The following NAA60 variants were observed in gnomAD, a reference collection of about 807,000 sequenced individuals.
NAA60 encodes the protein N-alpha-acetyltransferase 60.
In NAA60, 8 loss-of-function variants were observed where a neutral mutation model predicts 26.1. The ratio of observed to expected loss-of-function variants is 0.31; its 90% CI spans 0.18 to 0.55. The LOEUF (loss-of-function observed/expected upper bound fraction) is 0.55. Ranked by LOEUF, NAA60 falls within the 20% of genes least tolerant of loss-of-function variation. The pLI, the probability that NAA60 is intolerant of heterozygous loss-of-function variation, is 0.93. For synonymous variants in NAA60, 131 were observed against 122.5 expected, an observed-to-expected ratio of 1.07 and a Z score of -0.46; for missense variants, 290 against 311.3, an observed-to-expected ratio of 0.93 and a Z score of 0.51.
At position 3,466,691 on chromosome 16, in the gene NAA60, A is replaced by G. The variant is rs77275561; in HGVS notation, c.-6-9531A>G. Among the ~76,000 whole-genome samples the G allele has an allele frequency of 4.6e-5, 7 of 152,184 alleles. No homozygotes were observed. In the East Asian group the frequency reaches 1.4e-3, roughly 29 times the overall value. On this transcript the variant is annotated intron_variant, in intron 2 of 7. Transcript: ENST00000407558. ...GCTAATCTCCCTTGAGCTTCTCTTG[A>G]GCAGAAGCCTGGTGTGCTAACGGGC...
intron 2 of NAA60, among the ~76,000 whole-genome samples, chr16:3,463,143 G>C (rs1222780215): frequency 6.6e-6 from 1 of 152,116 alleles, no homozygotes; most frequent in East Asian, 1.9e-4. Flanking sequence ...AGTCAGCGCT[G>C]AGTCTATTTT....
chr16:3,484,481 C>A, intron 6 of NAA60: 1 of 615,260 alleles, frequency 1.6e-6, no homozygotes, highest in South Asian at 2.0e-5. Context: ...TCAGAAGGCC[C>A]TTCTGTCCCC....
chr16:3,475,495 C>T (rs2036423433), intron 2 of NAA60, among the ~76,000 whole-genome samples: 1 of 152,182 alleles, frequency 6.6e-6, no homozygotes, highest in Non-Finnish European at 1.5e-5. Flanking sequence ...TCCCTCCATT[C>T]CTCTCTTCCT....
chr16:3,476,213 T>TC lies in NAA60; in HGVS notation c.-6-5dup. 3 of 1,593,854 alleles carry TC rather than the reference T, an allele frequency of 1.9e-6. No homozygotes were observed. Among genetic ancestry groups the TC allele is most frequent in the Non-Finnish European group, 2.6e-6 (3 of 1,165,332 alleles). ...TGAGGTGACGCGTCCCCCCCACCCT[T>TC]CCCCACAGGTGTGAATGACAGAGGT... On this transcript the variant is annotated splice_polypyrimidine_tract_variant and intron_variant, in intron 2 of 7. Transcript: ENST00000407558.
At chr16:3,462,257 G>A (rs867357250) in intron 2 of NAA60, among the ~76,000 whole-genome samples, 1 of 152,018 alleles carries the variant, frequency 6.6e-6, no homozygotes, top group Non-Finnish European at 1.5e-5. Context: ...AACTATTGAA[G>A]AAAATAATTT....
chr16:3,485,936 GT>G lies in NAA60; in HGVS notation c.*677del. ...CGGTTCCTACTCCTCAGCACCTTCC[GT>G]GCAGTTACCAGTGCCCTGGGAGGTC... On this transcript the variant is annotated 3_prime_UTR_variant, in exon 8 of 8. Transcript: ENST00000407558. 3.1e-6 allele frequency: 1 copy of G among 324,546 alleles called. No individual in the cohort carries two copies. Among genetic ancestry groups the G allele is most frequent in the Non-Finnish European group, 6.1e-6 (1 of 163,912 alleles). 20.1% of individuals were successfully genotyped at this position (324,546 alleles called of 1,614,324 possible). A position where few individuals can be genotyped will look rare whatever the true frequency, so the allele number is the denominator to read the frequency against.
At chr16:3,458,040 C>T (rs980658609) in intron 2 of NAA60, 49 of 985,156 alleles carry the variant, frequency 5.0e-5, no homozygotes, top group African/African-American at 5.2e-5. Context: ...GTGCCGCGGG[C>T]TGCCGCCTCC....
intron 2 of NAA60, among the ~76,000 whole-genome samples, chr16:3,462,029 G>T (rs935169448): frequency 7.0e-6 from 1 of 142,444 alleles, no homozygotes; most frequent in Non-Finnish European, 1.5e-5. Context: ...GGAGGTTGCA[G>T]TAAGTTGAGA....
intron 2 of NAA60, 47 bp downstream of exon 2, chr16:3,448,587 T>C (rs973800335): frequency 6.8e-7 from 1 of 1,466,574 alleles, no homozygotes; most frequent in African/African-American, 1.4e-5. Context: ...GCCCTCATAG[T>C]CAGAGGAAGC....
At chr16:3,453,677 G>C (rs2034871302) in intron 2 of NAA60, among the ~76,000 whole-genome samples, 1 of 152,048 alleles carries the variant, frequency 6.6e-6, no homozygotes, top group Non-Finnish European at 1.5e-5. Context: ...GAAAGTGCTG[G>C]GATTACAGGT....
chr16:3,459,702 C>G (rs2035249061), intron 2 of NAA60, among the ~76,000 whole-genome samples: 1 of 152,160 alleles, frequency 6.6e-6, no homozygotes, highest in South Asian at 2.1e-4. Flanking sequence ...CTGAAAGTAG[C>G]AAAGTCAAGG....
In NAA60 at chr16:3,443,847, G is replaced by C; in HGVS notation, c.-77+10G>C. 6.5e-7 allele frequency: 1 copy of C among 1,532,546 alleles called. No individual in the cohort carries two copies. Among genetic ancestry groups the C allele is most frequent in the Non-Finnish European group, 8.7e-7 (1 of 1,145,134 alleles). 94.9% of individuals were successfully genotyped at this position (1,532,546 alleles called of 1,614,324 possible). ...AAATCGGTAACAAAATGTGGGTTCG[G>C]CCAACAGTGCCCTGTAGGCCTGAAA... On this transcript the variant is annotated intron_variant, in intron 1 of 7. Coordinates refer to ENST00000407558, the MANE Select transcript of NAA60 (RefSeq NM_001083601.3).
At chr16:3,482,742 C>G in intron 5 of NAA60, 144 bp downstream of exon 5, 4 of 669,368 alleles carry the variant, frequency 6.0e-6, no homozygotes, top group Middle Eastern at 3.9e-4. Flanking sequence ...CATCCTCGTT[C>G]CCGTCTTGGG....
At chr16:3,450,772 G>T (rs957973965) in intron 2 of NAA60, among the ~76,000 whole-genome samples, 3 of 150,434 alleles carry the variant, frequency 2.0e-5, no homozygotes, top group Non-Finnish European at 4.4e-5. Context: ...TGATGAACTA[G>T]TTTGTTCCTT....
At position 3,486,795 on chromosome 16, in the gene NAA60, A is replaced by G. The variant is rs865885480; in HGVS notation, c.*1535A>G. Reference sequence around the variant, plus strand: ...CTATTTCTGCCCCACAGGGTAAGGGACGAGTCTTCTGGAAGGCTCTGCCAT... The same window carrying G: ...CTATTTCTGCCCCACAGGGTAAGGGGCGAGTCTTCTGGAAGGCTCTGCCAT... On this transcript the variant is annotated 3_prime_UTR_variant, in exon 8 of 8. Transcript: ENST00000407558. 6.6e-6 allele frequency: 1 copy of G among 152,124 alleles called. No homozygotes were observed. The highest frequency in any genetic ancestry group is 1.5e-5 in the Non-Finnish European group (1 of 68,006). The allele number at this position is 152,124 out of a possible 1,614,324, so 9.4% of individuals were successfully genotyped here.
intron 2 of NAA60, among the ~76,000 whole-genome samples, chr16:3,470,654 G>A (rs945604911): frequency 2.7e-5 from 4 of 147,042 alleles, no homozygotes; most frequent in African/African-American, 7.4e-5. Flanking sequence ...CAACGGCAGG[G>A]CAGGGGCCAG....
In NAA60 at chr16:3,479,558, G is replaced by C. The variant is rs758406216; in HGVS notation, c.198G>C (p.Met66Ile). The C allele has an allele frequency of 6.2e-7, 1 of 1,614,076 alleles. No homozygotes were observed. Among genetic ancestry groups the C allele is most frequent in the South Asian group, 1.1e-5 (1 of 91,084 alleles). The change falls in exon 4 of 8, where the codon ATG becomes ATC. Residue 66 changes from methionine to isoleucine, a missense_variant. Met to Ile is a conservative substitution (Grantham distance 10, BLOSUM62 1). Coordinates refer to ENST00000407558, the MANE Select transcript of NAA60 (RefSeq NM_001083601.3). ...CCTACAGAGGTGCCATTGTGGGAAT[G>C]ATAGTAGCTGAAATTAAGAACAGGA... ...AATYRGAIVGMIVAEIKNRTK... is the reference protein window; with the variant it reads ...AATYRGAIVGIIVAEIKNRTK...
chr16:3,450,052 AAGG>A, intron 2 of NAA60: 1 of 387,720 alleles, frequency 2.6e-6, no homozygotes, highest in Non-Finnish European at 4.6e-6. Context: ...AAAGAAGAAG[AAGG>A]AACTAAAGAA....
chr16:3,454,136 C>T (rs574537779), intron 2 of NAA60, among the ~76,000 whole-genome samples: 5 of 152,300 alleles, frequency 3.3e-5, no homozygotes, highest in South Asian at 2.1e-4. Flanking sequence ...AGAGGCTGAC[C>T]GTGTAGATGG....
Sources: allele counts gnomAD v4.1 joint callset (sites outside exome capture counted in the v4.1 genomes callset), GRCh38; gene constraint gnomAD v4.1.1; transcripts MANE v1.5; gene names NCBI Gene and HGNC (gene_info 2026-07-23, HGNC 2026-07-21).